The following OVCH1 variants were observed in gnomAD, a reference collection of about 807,000 sequenced individuals.
OVCH1 encodes the protein ovochymase 1.
In OVCH1, 139 loss-of-function variants were observed where a neutral mutation model predicts 138.4. That is an observed-to-expected ratio of 1.00 (90% CI 0.87 to 1.16). OVCH1 has a LOEUF of 1.16. Ranked by LOEUF, OVCH1 falls within the 50% of genes most tolerant of loss-of-function variation. OVCH1 has a pLI of 0.00. For synonymous variants in OVCH1, 453 were observed against 467.8 expected (o/e 0.97, Z 0.41); for missense variants, 1,367 against 1,357.9 (o/e 1.01, Z -0.11).
chr12:29,463,830 G>C (rs2135980804), intron 18 of OVCH1, among the ~76,000 whole-genome samples: 1 of 152,246 alleles, frequency 6.6e-6, no homozygotes, highest in African/African-American at 2.4e-5. Flanking sequence ...CCTCCTTCAA[G>C]CTCACAGATT....
At chr12:29,474,074 T>TACACACACACACACACACACACACAC (rs146655743) in intron 14 of OVCH1, among the ~76,000 whole-genome samples, 1 of 145,192 alleles carries the variant, frequency 6.9e-6, no homozygotes, top group African/African-American at 2.5e-5. Flanking sequence ...CACACACACA[T>TACACACACACACACACACACACACAC]ACACACACAC....
At chr12:29,447,945 A>G (rs958609543) in intron 22 of OVCH1, among the ~76,000 whole-genome samples, 1 of 151,918 alleles carries the variant, frequency 6.6e-6, no homozygotes, top group Non-Finnish European at 1.5e-5. Flanking sequence ...TCCAGCTCTC[A>G]TGAAACTCAT....
chr12:29,462,210 A>G (rs995243769), intron 18 of OVCH1, among the ~76,000 whole-genome samples: 5 of 152,154 alleles, frequency 3.3e-5, no homozygotes, highest in Admixed American at 2.6e-4. Context: ...CATTTTTGTA[A>G]AGAGAGGCCA....
In OVCH1 at chr12:29,483,199, C is replaced by T. The variant is rs553707639; in HGVS notation, c.995+3047G>A. On this transcript the variant is annotated intron_variant, in intron 8 of 27. Transcript: ENST00000318184. ...CCCATCTTGGTCATTTTCCTTCAGA[C>T]AAATTCTGGCTTATCAATCTCCCTG... Among the ~76,000 whole-genome samples the T allele has an allele frequency of 3.2e-4, 48 of 152,268 alleles. 1 individual carries two copies. Among genetic ancestry groups the T allele is most frequent in the African/African-American group, 1.1e-3 (45 of 41,558 alleles).
rs142436258 is a variant in OVCH1, at chr12:29,437,042, T to A, written c.3264+2286A>T. On this transcript the variant is annotated intron_variant, in intron 26 of 27. Transcript: ENST00000318184. ...TGGTCCGTTTTTACAGAGTGCTGAT[T>A]GGTGCATTTACAAACCTTTAGCTCG... is the stretch of plus-strand genomic sequence containing the variant. Among the ~76,000 whole-genome samples the A allele has an allele frequency of 3.8e-3, 580 of 152,284 alleles. 2 individuals are homozygous for A. The highest frequency in any genetic ancestry group is 6.1e-3 in the Non-Finnish European group (416 of 68,010).
chr12:29,472,544 A>G (rs893703439), intron 15 of OVCH1, among the ~76,000 whole-genome samples: 7 of 152,316 alleles, frequency 4.6e-5, no homozygotes, highest in Non-Finnish European at 1.0e-4. Flanking sequence ...CTCCAGCAAC[A>G]GGCAGATATT....
At chr12:29,415,447 C>G (rs76344495) in intron 3 of OVCH1, among the ~76,000 whole-genome samples, 18,206 of 152,032 alleles carry the variant, frequency 0.12, 1,375 homozygotes, top group African/African-American at 0.22. Flanking sequence ...AAAATTTCCA[C>G]GAGAAATTTA....
chr12:29,468,261 T>G, intron 16 of OVCH1, among the ~76,000 whole-genome samples: 1 of 152,202 alleles, frequency 6.6e-6, no homozygotes, highest in Non-Finnish European at 1.5e-5. Flanking sequence ...CTTGATAACC[T>G]TCTCTAACTG....
chr12:29,460,186 G>A (rs935595089), intron 19 of OVCH1, among the ~76,000 whole-genome samples: 2 of 152,094 alleles, frequency 1.3e-5, no homozygotes, highest in African/African-American at 4.8e-5. Flanking sequence ...ATGATATTTA[G>A]GTCACCTGTG....
intron 21 of OVCH1, among the ~76,000 whole-genome samples, chr12:29,454,218 C>G (rs1941879781): frequency 6.6e-6 from 1 of 152,120 alleles, no homozygotes; most frequent in African/African-American, 2.4e-5. Context: ...ATCACTCTTG[C>G]AATTCTACCT....
chr12:29,468,359 G>A (rs767160374), intron 16 of OVCH1, among the ~76,000 whole-genome samples: 2 of 152,074 alleles, frequency 1.3e-5, no homozygotes, highest in Non-Finnish European at 2.9e-5. Flanking sequence ...AATTCTTTTT[G>A]TGACTAACAA....
intron 26 of OVCH1, among the ~76,000 whole-genome samples, chr12:29,436,838 G>A (rs1941370838): frequency 6.6e-6 from 1 of 152,228 alleles, no homozygotes; most frequent in East Asian, 1.9e-4. Context: ...CATAGAGGTA[G>A]TGCGGACCCA....
rs1565600625 is a variant in OVCH1, at chr12:29,476,767, A to ATG, written c.1377+334_1377+335insCA. 5.8e-4 allele frequency among the ~76,000 whole-genome samples: 48 copies of ATG among 83,218 alleles called. 1 individual carries two copies. The East Asian group carries it at 0.011, about 19-fold the overall frequency. The allele number at this position is 83,218 out of a possible 152,430, so 54.6% of individuals were successfully genotyped here. A position where few individuals can be genotyped will look rare whatever the true frequency, so the allele number is the denominator to read the frequency against. On this transcript the variant is annotated intron_variant, in intron 12 of 27. Coordinates refer to ENST00000318184, the Ensembl canonical transcript of OVCH1. The stretch of plus-strand genomic sequence containing the variant: ...AGTACACACGCGCGCACACACACAC[A>ATG]CACACACACACACACACACACACAC...
At chr12:29,403,891 A>G in the OVCH1 span, among the ~76,000 whole-genome samples, 3 of 152,224 alleles carry the variant, frequency 2.0e-5, no homozygotes, top group Admixed American at 6.5e-5. Flanking sequence ...ACAATTGTAT[A>G]TAATGGTATT....
chr12:29,410,520 G>C (rs10843414), downstream of OVCH1, among the ~76,000 whole-genome samples: 71,586 of 117,176 alleles, frequency 0.61, 24,089 homozygotes, highest in Middle Eastern at 0.86. Flanking sequence ...GACAAAATCT[G>C]TCAGCATTTG....
chr12:29,429,639 G>A (rs973897681), intron 27 of OVCH1, among the ~76,000 whole-genome samples: 1 of 152,060 alleles, frequency 6.6e-6, no homozygotes, highest in African/African-American at 2.4e-5. Flanking sequence ...TTTAATCATG[G>A]CCTTCATTTT....
At chr12:29,405,048 A>AAAAAAAAAC in the OVCH1 span, among the ~76,000 whole-genome samples, 3 of 135,002 alleles carry the variant, frequency 2.2e-5, no homozygotes, top group African/African-American at 7.8e-5. Context: ...AAAAAAAAAA[A>AAAAAAAAAC]AAAAAAAACA....
chr12:29,495,252 T>C (rs1943381761), intron 4 of OVCH1, 33 bp downstream of exon 4: 1 of 1,576,430 alleles, frequency 6.3e-7, no homozygotes, highest in African/African-American at 1.4e-5. Flanking sequence ...TTTCCTCCAC[T>C]GCATTTTTAA....
chr12:29,423,151 TATTGCTCTTCTGTG>T (rs1252543547), downstream of OVCH1: 2 of 444,870 alleles, frequency 4.5e-6, no homozygotes, highest in Admixed American at 2.5e-5. Flanking sequence ...TGGGTCTCAA[TATTGCTCTTCTGTG>T]ATTGCTCCTG....
Sources: allele counts gnomAD v4.1 joint callset (sites outside exome capture counted in the v4.1 genomes callset), GRCh38; gene constraint gnomAD v4.1.1; transcripts MANE v1.5; gene names NCBI Gene and HGNC (gene_info 2026-07-23, HGNC 2026-07-21).